The following COL6A6 variants were observed in gnomAD, a reference collection of about 807,000 sequenced individuals.
The protein encoded by COL6A6 is collagen alpha-6(VI) chain.
A neutral mutation model predicts 208.6 loss-of-function variants in COL6A6; 183 were observed. The ratio of observed to expected loss-of-function variants is 0.88; its 90% confidence interval spans 0.78 to 0.99. The LOEUF (loss-of-function observed/expected upper bound fraction) is 0.99. Ranked by LOEUF, COL6A6 falls within the 50% of genes least tolerant of loss-of-function variation. The pLI is 0.00. For missense variants in COL6A6, 2,816 were observed against 2,815.2 expected, an observed-to-expected ratio of 1.00 and a Z score of -0.01; for synonymous variants, 973 against 1,011.8, an observed-to-expected ratio of 0.96 and a Z score of 0.73.
In COL6A6 at chr3:130,642,815, T is replaced by G; in HGVS notation, c.5155-17T>G. ...ATGTCTAGAGGCATTAAAACAATGT[T>G]TTGTTTGTTTTCCTAGGGTGTGAAA... On this transcript the variant is annotated splice_polypyrimidine_tract_variant and intron_variant, in intron 29 of 36. Transcript: ENST00000358511. 5.0e-6 allele frequency: 8 copies of G among 1,609,872 alleles called. No individual in the cohort carries two copies. The highest frequency in any genetic ancestry group is 6.8e-6 in the Non-Finnish European group (8 of 1,176,614).
chr3:130,555,266 GCTCCTCAC>G (rs1298118455), intron 1 of COL6A6, among the ~76,000 whole-genome samples: 2 of 152,138 alleles, frequency 1.3e-5, no homozygotes, highest in African/African-American at 4.8e-5. Context: ...AGAGCAAGTT[GCTCCTCAC>G]CTGTTGAACT....
chr3:130,635,673 T>G, intron 27 of COL6A6, 26 bp from the exon 28 acceptor site: 1 of 1,488,992 alleles, frequency 6.7e-7, no homozygotes, highest in African/African-American at 1.4e-5. Flanking sequence ...TTTTAATAAC[T>G]ATTTTACTTT....
chr3:130,566,997 G>A lies in COL6A6; in HGVS notation c.1578G>A (p.Leu526=). Reference sequence around the variant, plus strand: ...CACTGAATTTCACACTGAGTCTGTTGCAAAAAGCAAAGAAGCAGCGAGGAA... The same window carrying A: ...CACTGAATTTCACACTGAGTCTGTTACAAAAAGCAAAGAAGCAGCGAGGAA... ...GAALNFTLSL[L]QKAKKQRGNK... The change falls in exon 5 of 37, where the codon TTG becomes TTA. Residue 526 remains leucine, a synonymous_variant. Coordinates refer to ENST00000358511, the MANE Select transcript of COL6A6 (RefSeq NM_001102608.3). The A allele has an allele frequency of 6.2e-7, 1 of 1,614,038 alleles. No homozygotes were observed. Among genetic ancestry groups the A allele is most frequent in the East Asian group, 2.2e-5 (1 of 44,892 alleles).
chr3:130,670,965 G>A (rs2066197885), intron 36 of COL6A6, among the ~76,000 whole-genome samples: 1 of 152,164 alleles, frequency 6.6e-6, no homozygotes, highest in Non-Finnish European at 1.5e-5. Flanking sequence ...GAAGTCAAGA[G>A]ACTGGACACC....
At position 130,565,199 on chromosome 3, in the gene COL6A6, G is replaced by C. The variant is rs1160079388; in HGVS notation, c.867G>C (p.Lys289Asn). Residue 289 changes from lysine (K) to asparagine (N), a missense_variant, in exon 4 of 37, where the codon AAG (lysine) becomes AAC (asparagine). Lys to Asn is a moderately conservative substitution (Grantham distance 94). Coordinates refer to ENST00000358511, the MANE Select transcript of COL6A6 (RefSeq NM_001102608.3). ...VINSLSMGINKSEVLQHIQNL... is the reference protein window; with the variant it reads ...VINSLSMGINNSEVLQHIQNL... Reference sequence around the variant, plus strand: ...ATTCACTGAGCATGGGCATAAATAAGTCAGAGGTTCTCCAGCATATACAGA... The same window carrying C: ...ATTCACTGAGCATGGGCATAAATAACTCAGAGGTTCTCCAGCATATACAGA... 9.9e-6 allele frequency: 16 copies of C among 1,613,898 alleles called. No homozygotes were observed. Among genetic ancestry groups the C allele is most frequent in the Middle Eastern group, 3.3e-4 (2 of 6,084 alleles).
chr3:130,530,875 G>A (rs2062064169), intron 1 of COL6A6, among the ~76,000 whole-genome samples: 1 of 152,152 alleles, frequency 6.6e-6, no homozygotes, highest in Admixed American at 6.5e-5. Context: ...TCTGCTTTCA[G>A]ACTTAAGATG....
rs116874442 is a variant in COL6A6 at position 130,528,300 on chromosome 3, A to T, written c.-32+10903A>T. Among the ~76,000 whole-genome samples the T allele has an allele frequency of 3.3e-3, 499 of 152,220 alleles. 15 individuals are homozygous for T. The East Asian group carries it at 0.071, about 22-fold the overall frequency. ...ATGGGGCAGGGCTTTTCAAACTTTGATGGGTATGCAGATCACCTGGGGACC... is the reference window on the plus strand; with the variant it reads ...ATGGGGCAGGGCTTTTCAAACTTTGTTGGGTATGCAGATCACCTGGGGACC... On this transcript the variant is annotated intron_variant, in intron 1 of 36. Transcript: ENST00000358511.
At chr3:130,547,041 C>T (rs550131174) in intron 1 of COL6A6, among the ~76,000 whole-genome samples, 19 of 152,346 alleles carry the variant, frequency 1.2e-4, no homozygotes, top group African/African-American at 3.6e-4. Flanking sequence ...TGGAGCTGCC[C>T]GCCAGTCCTG....
chr3:130,584,775 C>G (rs774330295), intron 10 of COL6A6, among the ~76,000 whole-genome samples: 1 of 151,820 alleles, frequency 6.6e-6, no homozygotes, highest in Non-Finnish European at 1.5e-5. Flanking sequence ...CCACCACACC[C>G]GGCTAATTTT....
chr3:130,543,720 A>G lies in COL6A6; in HGVS notation c.-31-16614A>G, dbSNP rs996016107. 4.6e-5 allele frequency among the ~76,000 whole-genome samples: 7 copies of G among 152,322 alleles called. 1 individual carries two copies. Among genetic ancestry groups the G allele is most frequent in the Admixed American group, 6.5e-5 (1 of 15,304 alleles). Reference sequence around the variant, plus strand: ...CACACATACAAGCATATATAATCAAATGCATTATTGCTATTTTCATCTGTT... The same window carrying G: ...CACACATACAAGCATATATAATCAAGTGCATTATTGCTATTTTCATCTGTT... On this transcript the variant is annotated intron_variant, in intron 1 of 36. Coordinates refer to ENST00000358511, the MANE Select transcript of COL6A6 (RefSeq NM_001102608.3).
chr3:130,622,129 C>G (rs1205744705), intron 24 of COL6A6, among the ~76,000 whole-genome samples: 2 of 151,956 alleles, frequency 1.3e-5, no homozygotes, highest in Non-Finnish European at 1.5e-5. Flanking sequence ...TGAGGGATCT[C>G]AGGGAACAAG....
At chr3:130,587,142 T>G (rs182453468) in intron 11 of COL6A6, among the ~76,000 whole-genome samples, 5 of 152,334 alleles carry the variant, frequency 3.3e-5, no homozygotes, top group Admixed American at 2.6e-4. Context: ...GGAGTTCAAC[T>G]AGAGAAAGAG....
Position 130,560,422 on chromosome 3 carries a change from G to A in COL6A6, c.58G>A (p.Asp20Asn). 1 of 1,610,610 alleles carries A rather than the reference G, an allele frequency of 6.2e-7. No individual in the cohort carries two copies. The highest frequency in any genetic ancestry group is 8.5e-7 in the Non-Finnish European group (1 of 1,178,178). ...TTGTTCCCATATTTCTGTGAACCAA[G>A]ATTCCGGTAAGGAAAAACTGGAAAG... is the stretch of plus-strand genomic sequence containing the variant. ...IICSHISVNQ[D>N]SGPEYADVVF... Residue 20 changes from aspartate (D) to asparagine (N), a missense_variant, in exon 2 of 37, where the codon GAT (aspartate) becomes AAT (asparagine). Transcript: ENST00000358511.
intron 1 of COL6A6, among the ~76,000 whole-genome samples, chr3:130,553,694 A>G (rs1016690305): frequency 4.6e-5 from 7 of 151,946 alleles, no homozygotes; most frequent in Non-Finnish European, 1.5e-5. Flanking sequence ...TTGCTGAGGA[A>G]CTGGTATGGT....
At chr3:130,577,937 G>A (rs554211471) in intron 8 of COL6A6, among the ~76,000 whole-genome samples, 2 of 152,256 alleles carry the variant, frequency 1.3e-5, no homozygotes, top group East Asian at 3.9e-4. Flanking sequence ...TTAGTTTAGG[G>A]ACTTAAATAT....
chr3:130,564,120 CTT>C (rs998351148), intron 3 of COL6A6, among the ~76,000 whole-genome samples: 19 of 152,332 alleles, frequency 1.2e-4, no homozygotes, highest in Middle Eastern at 3.4e-3. Flanking sequence ...CAAAAAAGAA[CTT>C]ATATATATCC....
chr3:130,623,852 G>A (rs2064808756), intron 24 of COL6A6, among the ~76,000 whole-genome samples: 1 of 152,080 alleles, frequency 6.6e-6, no homozygotes, highest in East Asian at 1.9e-4. Context: ...TGAATTATTA[G>A]GAAGGAAGGA....
Position 130,621,847 on chromosome 3 carries a change from A to G in COL6A6, c.4842A>G (p.Ala1614=). 1 of 1,613,924 alleles carries G rather than the reference A, an allele frequency of 6.2e-7. No homozygotes were observed. The highest frequency in any genetic ancestry group is 1.7e-5 in the Admixed American group (1 of 60,022). The change falls in exon 24 of 37, where the codon GCA becomes GCG. Residue 1614 remains alanine, a synonymous_variant. Transcript: ENST00000358511. ...GGCCTCCAGGACCCGGAGGAGAGGC[A>G]GGGAATCAAGGCCGTTTGGGAAGCC... ...PQGPPGPGGE[A]GNQGRLGSQG... is the part of the protein sequence containing the mutation.
intron 1 of COL6A6, among the ~76,000 whole-genome samples, chr3:130,530,887 C>T (rs1381878001): frequency 6.6e-6 from 1 of 152,086 alleles, no homozygotes; most frequent in Non-Finnish European, 1.5e-5. Context: ...CTTAAGATGG[C>T]AACATCAACT....
Sources: gnomAD v4.1 joint callset for allele counts (sites outside exome capture counted in the v4.1 genomes callset) on GRCh38, gnomAD v4.1.1 for gene constraint, MANE v1.5 for transcripts, NCBI Gene and HGNC (gene_info 2026-07-23, HGNC 2026-07-21) for gene names.